PCDHA3: variants seen among roughly 807,000 people sequenced by gnomAD.
PCDHA3 encodes protocadherin alpha 3, also known as protocadherin alpha-3.
A neutral mutation model predicts 62.2 loss-of-function variants in PCDHA3; 41 were observed. That is an observed-to-expected ratio of 0.66 (90% CI 0.51 to 0.86). The LOEUF (loss-of-function observed/expected upper bound fraction) is 0.86. Among genes scored for constraint, PCDHA3 ranks in the 40% least tolerant of loss-of-function variants. The pLI is 0.00. For missense variants in PCDHA3, 1,304 were observed against 1,241.2 expected (o/e 1.05, Z -0.76); for synonymous variants, 640 against 555.4 (o/e 1.15, Z -2.14).
chr5:140,948,240 T>C (rs1554218495), intron 1 of PCDHA3, among the ~76,000 whole-genome samples: 1 of 151,684 alleles, frequency 6.6e-6, no homozygotes, highest in East Asian at 1.9e-4. Flanking sequence ...TGTATTTTAG[T>C]AAATATTTTT....
At chr5:140,861,303 GA>G in intron 1 of PCDHA3, 1 of 189,594 alleles carries the variant, frequency 5.3e-6, no homozygotes. Context: ...TGTGAAGCGG[GA>G]AAGGACCAGT....
chr5:140,862,614 C>G, intron 1 of PCDHA3: 1 of 523,252 alleles, frequency 1.9e-6, no homozygotes, highest in Non-Finnish European at 3.9e-6. Flanking sequence ...TGAAAGGTAA[C>G]AACCCGCGGG....
intron 1 of PCDHA3, chr5:140,883,717 C>A (rs926863988): frequency 6.2e-7 from 1 of 1,613,614 alleles, no homozygotes. Context: ...AGGACGCGGA[C>A]GCACAGGAGA....
chr5:140,942,145 CAT>C (rs2093239780), intron 1 of PCDHA3, among the ~76,000 whole-genome samples: 1 of 152,176 alleles, frequency 6.6e-6, no homozygotes, highest in African/African-American at 2.4e-5. Context: ...CTTTACTTGA[CAT>C]AAAACAGCTT....
At chr5:140,968,660 C>T in intron 1 of PCDHA3, 1 of 1,614,166 alleles carries the variant, frequency 6.2e-7, no homozygotes, top group Non-Finnish European at 8.5e-7. Flanking sequence ...TGACCTGGAC[C>T]TCTTTAAGGT....
chr5:140,871,543 T>A (rs2053164172), intron 1 of PCDHA3: 2 of 1,503,536 alleles, frequency 1.3e-6, no homozygotes, highest in Non-Finnish European at 1.8e-6. Flanking sequence ...GTGAAATTAT[T>A]TAAAATCCAG....
intron 1 of PCDHA3, chr5:140,926,673 A>T (rs998903830): frequency 2.1e-5 from 12 of 580,470 alleles, no homozygotes; most frequent in Non-Finnish European, 3.2e-5. Flanking sequence ...ACGGCTGCCC[A>T]GCCTCCAGCC....
chr5:140,823,210 C>T (rs2150123487), intron 1 of PCDHA3: 11 of 1,613,788 alleles, frequency 6.8e-6, no homozygotes, highest in South Asian at 3.3e-5. Flanking sequence ...GGTGTCTGCA[C>T]GGGACGCGGA....
rs1285443769 is a variant in PCDHA3, at chr5:141,010,273, G to A, written c.*336G>A. 3.9e-6 allele frequency: 6 copies of A among 1,551,420 alleles called. No individual in the cohort carries two copies. The African/African-American group carries it at 8.2e-5, about 21-fold the overall frequency. Reference sequence around the variant, plus strand: ...CTCTGCCCTGTGCTCCGGGGATCCTGTCTTGATGACACTTGCAGGGCAGGC... The same window carrying A: ...CTCTGCCCTGTGCTCCGGGGATCCTATCTTGATGACACTTGCAGGGCAGGC... On this transcript the variant is annotated 3_prime_UTR_variant, in exon 4 of 4. Coordinates refer to ENST00000522353, the MANE Select transcript of PCDHA3 (RefSeq NM_018906.3).
At chr5:140,966,794 G>T in intron 1 of PCDHA3, 1 of 1,533,558 alleles carries the variant, frequency 6.5e-7, no homozygotes. Context: ...CAGACCTGCG[G>T]CGACAGAGCA....
intron 1 of PCDHA3, chr5:140,877,865 T>C (rs1554170196): frequency 1.3e-6 from 2 of 1,496,610 alleles, no homozygotes; most frequent in South Asian, 2.8e-5. Flanking sequence ...TATTTAGATA[T>C]ATTTGTTTCC....
chr5:141,006,505 G>A (rs2098276412), intron 3 of PCDHA3, among the ~76,000 whole-genome samples: 2 of 152,020 alleles, frequency 1.3e-5, no homozygotes, highest in African/African-American at 4.8e-5. Flanking sequence ...GAGCCACCGC[G>A]CCTGGCTGTT....
At chr5:140,979,525 T>A (rs1347519268) in intron 2 of PCDHA3, among the ~76,000 whole-genome samples, 1 of 152,244 alleles carries the variant, frequency 6.6e-6, no homozygotes, top group Non-Finnish European at 1.5e-5. Flanking sequence ...TGTTGCTATC[T>A]TATTGTCATC....
At position 140,875,743 on chromosome 5, in the gene PCDHA3, G is replaced by T. The variant is rs782705899; in HGVS notation, c.2394+72152G>T. ...CATTTTGTTTGTGAATTCTCGGATCGACCGCGAGAAGCTGTGCGGGCGGAG... is the reference window on the plus strand; with the variant it reads ...CATTTTGTTTGTGAATTCTCGGATCTACCGCGAGAAGCTGTGCGGGCGGAG... On this transcript the variant is annotated intron_variant, in intron 1 of 3. Coordinates refer to ENST00000522353, the MANE Select transcript of PCDHA3 (RefSeq NM_018906.3). 1.8e-5 allele frequency: 29 copies of T among 1,614,226 alleles called. No individual in the cohort carries two copies. The highest frequency in any genetic ancestry group is 2.2e-5 in the Non-Finnish European group (26 of 1,180,038).
intron 1 of PCDHA3, chr5:140,843,142 T>G (rs1778605767): frequency 6.3e-7 from 1 of 1,595,790 alleles, no homozygotes; most frequent in East Asian, 2.2e-5. Context: ...ACGCGTGGCT[T>G]TCGTATGAGC....
chr5:140,840,552 T>C (rs1158381714), intron 1 of PCDHA3, among the ~76,000 whole-genome samples: 1 of 152,052 alleles, frequency 6.6e-6, no homozygotes, highest in Non-Finnish European at 1.5e-5. Flanking sequence ...ATGATGGCAA[T>C]ACTGCTAGAG....
At chr5:140,896,451 C>T (rs1173407136) in intron 1 of PCDHA3, among the ~76,000 whole-genome samples, 1 of 152,112 alleles carries the variant, frequency 6.6e-6, no homozygotes, top group Non-Finnish European at 1.5e-5. Flanking sequence ...CAACCTCCAC[C>T]TCCTGGGTTC....
intron 1 of PCDHA3, among the ~76,000 whole-genome samples, chr5:140,871,958 G>A (rs1251366239): frequency 1.3e-5 from 2 of 152,180 alleles, no homozygotes; most frequent in Non-Finnish European, 2.9e-5. Context: ...CTAAAGGGAG[G>A]AGGTCTTCCT....
chr5:140,991,317 T>C (rs2097444971), intron 3 of PCDHA3, among the ~76,000 whole-genome samples: 1 of 152,208 alleles, frequency 6.6e-6, no homozygotes, highest in Admixed American at 6.5e-5. Flanking sequence ...TCCCGCATGA[T>C]ACATGAAGGG....
Sources: allele counts gnomAD v4.1 joint callset (sites outside exome capture counted in the v4.1 genomes callset), GRCh38; gene constraint gnomAD v4.1.1; transcripts MANE v1.5; gene names NCBI Gene and HGNC (gene_info 2026-07-23, HGNC 2026-07-21).